The following CACNA2D3 variants were observed in gnomAD, a reference collection of about 807,000 sequenced individuals.
CACNA2D3 encodes the protein calcium voltage-gated channel auxiliary subunit alpha2delta 3.
CACNA2D3 carries 60 observed loss-of-function variants against 160.6 expected under a neutral mutation model. The ratio of observed to expected loss-of-function variants is 0.37; its 90% CI spans 0.30 to 0.46. The LOEUF is 0.46. CACNA2D3 is among the 20% of genes least tolerant of loss of function. The probability of loss-of-function intolerance (pLI) is 1.00; values close to 1 mark genes in which losing one functional copy is unlikely to be tolerated. For synonymous variants in CACNA2D3, 558 were observed against 492.9 expected (o/e 1.13, Z -1.75); for missense variants, 1,205 against 1,365.0 (o/e 0.88, Z 1.85).
Position 54,865,006 on chromosome 3 carries a change from A to T in CACNA2D3, c.1627-6533A>T, listed in dbSNP as rs559671874. Among the ~76,000 whole-genome samples the T allele has an allele frequency of 3.3e-5, 5 of 152,336 alleles. No individual in the cohort carries two copies. In the East Asian group the frequency reaches 9.7e-4, roughly 29 times the overall value. ...TAGCACAAAGCCTGGCACCAGAAAC[A>T]TTCACCTTCATGACGAATGATGGGA... On this transcript the variant is annotated intron_variant, in intron 17 of 37. Transcript: ENST00000474759.
chr3:54,252,853 G>T (rs937717515), intron 2 of CACNA2D3, among the ~76,000 whole-genome samples: 1 of 150,022 alleles, frequency 6.7e-6, no homozygotes, highest in Non-Finnish European at 1.5e-5. Context: ...GTAGCAGAAA[G>T]AGAAGTGCAG....
At chr3:54,236,354 C>T (rs139466711) in intron 2 of CACNA2D3, among the ~76,000 whole-genome samples, 175 of 152,260 alleles carry the variant, frequency 1.1e-3, no homozygotes, top group African/African-American at 3.8e-3. Flanking sequence ...GTGACAAATA[C>T]ACCAATAAAT....
intron 31 of CACNA2D3, among the ~76,000 whole-genome samples, chr3:54,988,272 G>A (rs761888273): frequency 6.6e-6 from 1 of 152,194 alleles, no homozygotes; most frequent in South Asian, 2.1e-4. Context: ...CCTAGATGGT[G>A]CCAAATTCCA....
chr3:54,322,650 A>G (rs1001774870), intron 3 of CACNA2D3, among the ~76,000 whole-genome samples: 1 of 152,136 alleles, frequency 6.6e-6, no homozygotes, highest in Admixed American at 6.5e-5. Context: ...TTCAGTAAAC[A>G]TTTGCTGTTA....
At chr3:54,289,677 C>G (rs374393453) in intron 2 of CACNA2D3, among the ~76,000 whole-genome samples, 3 of 152,186 alleles carry the variant, frequency 2.0e-5, no homozygotes, top group African/African-American at 4.8e-5. Context: ...GCTACAGTAA[C>G]CAAAACAGCA....
chr3:54,822,000 T>C (rs1575495571), intron 14 of CACNA2D3, among the ~76,000 whole-genome samples: 2 of 152,190 alleles, frequency 1.3e-5, no homozygotes, highest in Non-Finnish European at 1.5e-5. Context: ...TCTAAACTGA[T>C]GCAAATGAAG....
At chr3:54,366,932 G>T (rs369558466) in intron 3 of CACNA2D3, among the ~76,000 whole-genome samples, 1 of 152,208 alleles carries the variant, frequency 6.6e-6, no homozygotes, top group African/African-American at 2.4e-5. Context: ...TGAATGGGAA[G>T]GGTGTTCCAA....
At chr3:54,622,526 TG>T (rs1699010999) in intron 9 of CACNA2D3, among the ~76,000 whole-genome samples, 1 of 151,986 alleles carries the variant, frequency 6.6e-6, no homozygotes, top group Non-Finnish European at 1.5e-5. Context: ...CTGCCTGCCT[TG>T]GCCTCCCAAA....
chr3:55,019,891 T>C (rs1212284635), intron 35 of CACNA2D3, among the ~76,000 whole-genome samples: 1 of 152,152 alleles, frequency 6.6e-6, no homozygotes, highest in African/African-American at 2.4e-5. Flanking sequence ...TGTCATAAAA[T>C]ATAAAGAATA....
intron 2 of CACNA2D3, among the ~76,000 whole-genome samples, chr3:54,318,823 C>T (rs978731195): frequency 2.0e-5 from 3 of 151,372 alleles, no homozygotes; most frequent in Non-Finnish European, 4.4e-5. Flanking sequence ...GCTCACCAAG[C>T]AGTGGGACTG....
In CACNA2D3 at chr3:54,986,271, C is replaced by G. The variant is rs980913650; in HGVS notation, c.2620-1412C>G. ...AGCAGCCATGGCCACTACAGATTCT[C>G]TGCTCTATGTCTCCATGGAATAAGC... On this transcript the variant is annotated intron_variant, in intron 30 of 37. Transcript: ENST00000474759. Among the ~76,000 whole-genome samples, 4 of 152,278 alleles carry G rather than the reference C, an allele frequency of 2.6e-5. No individual in the cohort carries two copies. In the South Asian group the frequency reaches 8.3e-4, roughly 32 times the overall value.
intron 9 of CACNA2D3, chr3:54,626,244 C>T: frequency 9.0e-7 from 1 of 1,109,640 alleles, no homozygotes; most frequent in Non-Finnish European, 1.3e-6. Context: ...AGAAGCAGAC[C>T]TTCCGCAGGT....
intron 2 of CACNA2D3, among the ~76,000 whole-genome samples, chr3:54,166,996 C>T (rs561656576): frequency 1.3e-4 from 20 of 152,156 alleles, no homozygotes; most frequent in African/African-American, 4.3e-4. Context: ...TACGTAAAAA[C>T]GTCTTGTGAG....
chr3:54,185,954 T>C (rs1198251714), intron 2 of CACNA2D3, among the ~76,000 whole-genome samples: 1 of 152,208 alleles, frequency 6.6e-6, no homozygotes, highest in African/African-American at 2.4e-5. Context: ...TCAGAGGTTT[T>C]CTTGCATTCC....
chr3:54,878,963 C>G, intron 18 of CACNA2D3, 55 bp from the exon 19 acceptor site: 1 of 1,124,802 alleles, frequency 8.9e-7, no homozygotes, highest in Non-Finnish European at 1.3e-6. Context: ...GCAAGATGTC[C>G]AGATTACATG....
chr3:54,724,395 A>G (rs1701237289), intron 11 of CACNA2D3, among the ~76,000 whole-genome samples: 1 of 152,180 alleles, frequency 6.6e-6, no homozygotes, highest in East Asian at 1.9e-4. Flanking sequence ...CAGGACTTGA[A>G]CTCACCTCTG....
intron 17 of CACNA2D3, among the ~76,000 whole-genome samples, chr3:54,854,496 T>A (rs1297903970): frequency 6.6e-6 from 1 of 152,160 alleles, no homozygotes; most frequent in Non-Finnish European, 1.5e-5. Context: ...ACTCAAGGGA[T>A]TGATGGGGTC....
At chr3:54,419,798 C>T (rs1699809939) in intron 4 of CACNA2D3, among the ~76,000 whole-genome samples, 1 of 152,174 alleles carries the variant, frequency 6.6e-6, no homozygotes, top group Non-Finnish European at 1.5e-5. Flanking sequence ...TGGAGTCTTG[C>T]TCTGTCACCC....
intron 14 of CACNA2D3, among the ~76,000 whole-genome samples, chr3:54,832,686 G>A (rs954725689): frequency 9.2e-5 from 14 of 152,150 alleles, no homozygotes; most frequent in Admixed American, 5.9e-4. Context: ...TCTGCTCACC[G>A]AATGAGAGCC....
Sources: allele counts gnomAD v4.1 joint callset (sites outside exome capture counted in the v4.1 genomes callset), GRCh38; gene constraint gnomAD v4.1.1; transcripts MANE v1.5; gene names NCBI Gene and HGNC (gene_info 2026-07-23, HGNC 2026-07-21).